The following NCALD variants were observed in gnomAD, a reference collection of about 807,000 sequenced individuals.
NCALD encodes the protein neurocalcin delta, also known as neurocalcin-delta.
Under a neutral mutation model 18.6 loss-of-function variants are expected in NCALD, and 10 were observed. That is an observed-to-expected ratio of 0.54 (90% confidence interval 0.33 to 0.91). The LOEUF is 0.91. Ranked by LOEUF, NCALD falls within the 40% of genes least tolerant of loss-of-function variation. The pLI is 0.03. For missense variants in NCALD, 184 were observed against 247.6 expected, an observed-to-expected ratio of 0.74 and a Z score of 1.72; for synonymous variants, 88 against 87.4, an observed-to-expected ratio of 1.01 and a Z score of -0.04.
At chr8:102,096,963 T>C (rs146476615) in intron 1 of NCALD, among the ~76,000 whole-genome samples, 2 of 152,298 alleles carry the variant, frequency 1.3e-5, no homozygotes, top group African/African-American at 4.8e-5. Context: ...AAAGACCCTA[T>C]CTTCAAATAT....
Position 102,094,592 on chromosome 8 carries a change from C to T in NCALD, c.-210+29645G>A, listed in dbSNP as rs113854437. On this transcript the variant is annotated intron_variant, in intron 1 of 6. Transcript: ENST00000311028. ...ACTAAGTCCTTTTAATGAGCAAATG[C>T]TCTTCTTCATGGGATTTACAGTAAG... Among the ~76,000 whole-genome samples the T allele has an allele frequency of 7.0e-3, 1,059 of 152,304 alleles. 10 individuals carry two copies. Among genetic ancestry groups the T allele is most frequent in the African/African-American group, 0.024 (980 of 41,560 alleles).
At chr8:101,847,235 C>T (rs1001606288) in intron 4 of NCALD, 13 of 200,556 alleles carry the variant, frequency 6.5e-5, no homozygotes, top group Middle Eastern at 2.7e-3. Context: ...CCTTCTTCTT[C>T]TTTTTTTTTT....
chr8:101,761,496 TA>T (rs1811107706), intron 1 of NCALD, among the ~76,000 whole-genome samples: 3 of 152,180 alleles, frequency 2.0e-5, no homozygotes, highest in Admixed American at 2.0e-4. Context: ...GGCAGTATAA[TA>T]AAAACTCTCC....
intron 4 of NCALD, among the ~76,000 whole-genome samples, chr8:101,831,342 T>C (rs1049445411): frequency 2.6e-5 from 4 of 152,152 alleles, no homozygotes; most frequent in African/African-American, 9.7e-5. Context: ...TCAGATATGA[T>C]TATTACTGCT....
intron 2 of NCALD, among the ~76,000 whole-genome samples, chr8:102,003,888 A>G (rs1240955077): frequency 6.6e-6 from 1 of 152,194 alleles, no homozygotes; most frequent in Non-Finnish European, 1.5e-5. Flanking sequence ...TCAAAATAAT[A>G]AGAGCTATTT....
At chr8:102,024,991 C>A (rs530393335) in intron 1 of NCALD, among the ~76,000 whole-genome samples, 1 of 152,200 alleles carries the variant, frequency 6.6e-6, no homozygotes, top group East Asian at 1.9e-4. Context: ...CCCATCCCAA[C>A]TCCAAAAGAG....
At chr8:101,702,388 A>G (rs1815310222) in intron 2 of NCALD, among the ~76,000 whole-genome samples, 1 of 151,978 alleles carries the variant, frequency 6.6e-6, no homozygotes, top group Non-Finnish European at 1.5e-5. Context: ...GGCATGTGCC[A>G]CCACACTGGG....
chr8:101,947,447 C>T (rs138445907), intron 2 of NCALD, among the ~76,000 whole-genome samples: 166 of 152,238 alleles, frequency 1.1e-3, no homozygotes, highest in African/African-American at 3.7e-3. Flanking sequence ...TAGGCATTCA[C>T]CTTACAGTCA....
At chr8:101,829,690 T>C (rs1814088636) in intron 4 of NCALD, among the ~76,000 whole-genome samples, 1 of 152,108 alleles carries the variant, frequency 6.6e-6, no homozygotes, top group South Asian at 2.1e-4. Flanking sequence ...AAATTTAAAG[T>C]AGTTTTTTAG....
intron 2 of NCALD, among the ~76,000 whole-genome samples, chr8:101,926,151 C>A (rs527776474): frequency 5.9e-5 from 9 of 152,278 alleles, no homozygotes; most frequent in African/African-American, 2.2e-4. Context: ...AAATCTGCAG[C>A]CAACAAGAAC....
At chr8:101,909,016 A>G (rs73282609) in intron 3 of NCALD, among the ~76,000 whole-genome samples, 7,014 of 152,232 alleles carry the variant, frequency 0.046, 258 homozygotes, top group African/African-American at 0.1. Flanking sequence ...ACCTGAGCCA[A>G]CATAATAAAG....
At chr8:101,926,712 G>A (rs1818348126) in intron 2 of NCALD, among the ~76,000 whole-genome samples, 1 of 152,062 alleles carries the variant, frequency 6.6e-6, no homozygotes, top group Non-Finnish European at 1.5e-5. Context: ...TGAACCCCTG[G>A]GAAACACAAG....
At chr8:102,111,330 G>A (rs1825632353) in intron 1 of NCALD, among the ~76,000 whole-genome samples, 2 of 151,998 alleles carry the variant, frequency 1.3e-5, no homozygotes. Flanking sequence ...GTGAGGCGGT[G>A]GGAACTCAAC....
chr8:101,705,650 G>A (rs1815480069), intron 2 of NCALD, among the ~76,000 whole-genome samples: 1 of 152,202 alleles, frequency 6.6e-6, no homozygotes, highest in Admixed American at 6.5e-5. Context: ...CATAAAAGGA[G>A]ATACAGCTCT....
chr8:101,847,144 G>A (rs117485994), intron 4 of NCALD: 4,103 of 152,844 alleles, frequency 0.027, 86 homozygotes, highest in Non-Finnish European at 0.04. Context: ...TAGAAAGTCC[G>A]TTAAAGAAGC....
At chr8:102,110,749 C>T (rs1825616359) in intron 1 of NCALD, among the ~76,000 whole-genome samples, 2 of 152,102 alleles carry the variant, frequency 1.3e-5, no homozygotes, top group Admixed American at 6.5e-5. Flanking sequence ...TTCACTAAAA[C>T]TATATCCTAG....
chr8:102,025,526 G>A (rs960484251), intron 1 of NCALD, among the ~76,000 whole-genome samples: 3 of 152,180 alleles, frequency 2.0e-5, no homozygotes, highest in Non-Finnish European at 4.4e-5. Context: ...GGTAGCTCCA[G>A]CCTTACTCCT....
At chr8:101,784,667 G>A (rs569616922) in intron 1 of NCALD, among the ~76,000 whole-genome samples, 30 of 152,114 alleles carry the variant, frequency 2.0e-4, no homozygotes, top group African/African-American at 7.2e-4. Flanking sequence ...TGGGCATGGT[G>A]GCATACGCCT....
At chr8:101,971,200 C>G in intron 2 of NCALD, among the ~76,000 whole-genome samples, 1 of 152,058 alleles carries the variant, frequency 6.6e-6, no homozygotes, top group South Asian at 2.1e-4. Context: ...TACAGCCACA[C>G]AGAATGGACT....
Sources: gnomAD v4.1 joint callset for allele counts (sites outside exome capture counted in the v4.1 genomes callset) on GRCh38, gnomAD v4.1.1 for gene constraint, MANE v1.5 for transcripts, NCBI Gene and HGNC (gene_info 2026-07-23, HGNC 2026-07-21) for gene names.